Variants in FLRT2 observed in about 807,000 individuals in gnomAD.
FLRT2 encodes fibronectin leucine rich transmembrane protein 2.
In FLRT2, 15 loss-of-function variants were observed where a neutral mutation model predicts 40.0. The ratio of observed to expected loss-of-function variants is 0.38; its 90% CI spans 0.25 to 0.58. The LOEUF is 0.58. FLRT2 is among the 20% of genes least tolerant of loss of function. The pLI, the probability that FLRT2 is intolerant of heterozygous loss-of-function variation, is 0.71. For missense variants in FLRT2, 726 were observed against 840.0 expected (o/e 0.86, Z 1.68); for synonymous variants, 380 against 336.8 (o/e 1.13, Z -1.41).
chr14:85,611,177 T>G (rs1815222), intron 1 of FLRT2, among the ~76,000 whole-genome samples: 1 of 152,032 alleles, frequency 6.6e-6, no homozygotes, highest in Non-Finnish European at 1.5e-5. Flanking sequence ...ATTACGGGCC[T>G]TCTTGCTTTC....
rs148342351 is a variant in FLRT2 at position 85,584,033 on chromosome 14, C to T, written c.-376-37106C>T. Among the ~76,000 whole-genome samples, 623 of 151,506 alleles carry T rather than the reference C, an allele frequency of 4.1e-3. 4 individuals are homozygous for T. The highest frequency in any genetic ancestry group is 0.014 in the Middle Eastern group (4 of 288). On this transcript the variant is annotated intron_variant, in intron 1 of 1. Coordinates refer to ENST00000330753, the MANE Select transcript of FLRT2 (RefSeq NM_013231.6). ...ATCTGCCTCTGTGGTTGCAGTAGAC[C>T]GTCTTTATTCTTGCAATAGGATTTA...
At chr14:85,619,392 G>A (rs1893283754) in intron 1 of FLRT2, among the ~76,000 whole-genome samples, 1 of 152,012 alleles carries the variant, frequency 6.6e-6, no homozygotes, top group Non-Finnish European at 1.5e-5. Context: ...ATCAAGCCCG[G>A]CCATGCTTGA....
At chr14:85,551,122 T>C (rs776965287) in intron 1 of FLRT2, among the ~76,000 whole-genome samples, 11 of 152,244 alleles carry the variant, frequency 7.2e-5, no homozygotes, top group Non-Finnish European at 1.3e-4. Flanking sequence ...GTGAGAAATC[T>C]TTAATTTCAT....
rs779562646 is a variant in FLRT2, at chr14:85,646,726, C to G, written c.*23229C>G. On this transcript the variant is annotated 3_prime_UTR_variant, in exon 2 of 2. Transcript: ENST00000330753. Reference sequence around the variant, plus strand: ...CCTTCTCCCAGGTTCAAGGAATTCTCCTGCCTTAGCCTCTCGAGTAGATGA... The same window carrying G: ...CCTTCTCCCAGGTTCAAGGAATTCTGCTGCCTTAGCCTCTCGAGTAGATGA... 3.9e-5 allele frequency: 6 copies of G among 152,190 alleles called. No homozygotes were observed. The highest frequency in any genetic ancestry group is 8.8e-5 in the Non-Finnish European group (6 of 68,074). The allele number at this position is 152,190 out of a possible 1,614,324, so 9.4% of individuals were successfully genotyped here. A position where few individuals can be genotyped will look rare whatever the true frequency, so the allele number is the denominator to read the frequency against.
At chr14:85,570,556 A>AT (rs1346855403) in intron 1 of FLRT2, among the ~76,000 whole-genome samples, 77 of 132,996 alleles carry the variant, frequency 5.8e-4, no homozygotes, top group African/African-American at 1.7e-3. Flanking sequence ...CCTTATTTTT[A>AT]TTTATTTTAT....
chr14:85,609,589 C>G (rs549074890), intron 1 of FLRT2, among the ~76,000 whole-genome samples: 1 of 152,154 alleles, frequency 6.6e-6, no homozygotes, highest in Admixed American at 6.5e-5. Flanking sequence ...ACCTGTGAGT[C>G]CCCCCAAAAG....
At position 85,623,233 on chromosome 14, in the gene FLRT2, C is replaced by T. The variant is rs1347051431; in HGVS notation, c.1719C>T (p.Thr573=). 1 of 1,521,286 alleles carries T rather than the reference C, an allele frequency of 6.6e-7. No individual in the cohort carries two copies. Among genetic ancestry groups the T allele is most frequent in the African/African-American group, 1.4e-5 (1 of 71,964 alleles). The allele number at this position is 1,521,286 out of a possible 1,614,324, so 94.2% of individuals were successfully genotyped here. A position where few individuals can be genotyped will look rare whatever the true frequency, so the allele number is the denominator to read the frequency against. Residue 573 remains threonine (T), a synonymous_variant, in exon 2 of 2, where the codon ACC becomes ACT. Coordinates refer to ENST00000330753, the MANE Select transcript of FLRT2 (RefSeq NM_013231.6). ...ATATGCACAAAAAGGGGCGCTACACCTCCCAGAAGTGGAAATACAACCGGG... is the reference window on the plus strand; with the variant it reads ...ATATGCACAAAAAGGGGCGCTACACTTCCCAGAAGTGGAAATACAACCGGG... ...CWHMHKKGRY[T]SQKWKYNRGR... is the part of the protein sequence containing the mutation.
intron 1 of FLRT2, among the ~76,000 whole-genome samples, chr14:85,611,907 TGC>T (rs1223733575): frequency 2.0e-5 from 3 of 148,496 alleles, no homozygotes; most frequent in South Asian, 2.1e-4. Context: ...AGAGCGCGCG[TGC>T]GCGAAAGCGT....
chr14:85,552,980 A>T (rs1382833094), intron 1 of FLRT2: 1 of 152,212 alleles, frequency 6.6e-6, no homozygotes, highest in Non-Finnish European at 1.5e-5. Context: ...GTGGTGCTCA[A>T]CATACAACTC....
intron 1 of FLRT2, among the ~76,000 whole-genome samples, chr14:85,589,264 G>A (rs1196802160): frequency 6.6e-6 from 1 of 152,082 alleles, no homozygotes; most frequent in Non-Finnish European, 1.5e-5. Flanking sequence ...CTGCATACTT[G>A]CCAGCATTTT....
intron 1 of FLRT2, among the ~76,000 whole-genome samples, chr14:85,546,077 T>C (rs1889264899): frequency 6.6e-6 from 1 of 152,212 alleles, no homozygotes; most frequent in East Asian, 1.9e-4. Flanking sequence ...TCCACATTGA[T>C]GAATGGAAAA....
intron 1 of FLRT2, among the ~76,000 whole-genome samples, chr14:85,620,896 T>A (rs1198966256): frequency 6.6e-6 from 1 of 152,222 alleles, no homozygotes; most frequent in Non-Finnish European, 1.5e-5. Context: ...GATGTTAAAT[T>A]CACAATATGA....
chr14:85,578,169 TA>T (rs1178395158), intron 1 of FLRT2, among the ~76,000 whole-genome samples: 2 of 136,908 alleles, frequency 1.5e-5, no homozygotes, highest in Non-Finnish European at 3.2e-5. Context: ...TCTTTATATA[TA>T]AAAATATCTT....
chr14:85,543,810 G>A (rs182136395), intron 1 of FLRT2, among the ~76,000 whole-genome samples: 1 of 152,254 alleles, frequency 6.6e-6, no homozygotes, highest in African/African-American at 2.4e-5. Context: ...GAGGCACGTG[G>A]ATGACACTTT....
chr14:85,611,889 AGAG>A (rs1892881551), intron 1 of FLRT2, among the ~76,000 whole-genome samples: 3 of 66,298 alleles, frequency 4.5e-5, no homozygotes, highest in Non-Finnish European at 1.4e-4. Flanking sequence ...GTGAGGGGAG[AGAG>A]AGAGAGAGCG....
chr14:85,540,200 T>G (rs1888905923), intron 1 of FLRT2, among the ~76,000 whole-genome samples: 1 of 152,196 alleles, frequency 6.6e-6, no homozygotes, highest in Admixed American at 6.5e-5. Context: ...TTTAAAATTT[T>G]GTTTTGCAAA....
At chr14:85,620,377 C>A (rs1386467303) in intron 1 of FLRT2, among the ~76,000 whole-genome samples, 1 of 151,964 alleles carries the variant, frequency 6.6e-6, no homozygotes, top group Non-Finnish European at 1.5e-5. Context: ...GGAAAGTAAG[C>A]AAATCGATCA....
rs940918513 is a variant in FLRT2, at chr14:85,628,017, G to C, written c.*4520G>C. On this transcript the variant is annotated 3_prime_UTR_variant, in exon 2 of 2. Coordinates refer to ENST00000330753, the MANE Select transcript of FLRT2 (RefSeq NM_013231.6). Reference sequence around the variant, plus strand: ...ATGACGCAGGAGGGCAGGAATAAAAGAGGTAATAGGACTTTCGTATTCTCC... The same window carrying C: ...ATGACGCAGGAGGGCAGGAATAAAACAGGTAATAGGACTTTCGTATTCTCC... 1 of 161,862 alleles carries C rather than the reference G, an allele frequency of 6.2e-6. No individual in the cohort carries two copies. The highest frequency in any genetic ancestry group is 2.4e-5 in the African/African-American group (1 of 41,444). The allele number at this position is 161,862 out of a possible 1,614,324, so 10.0% of individuals were successfully genotyped here.
rs56105610 is a variant in FLRT2 at position 85,530,328 on chromosome 14, A to G, written c.-583A>G. 6.6e-6 allele frequency: 1 copy of G among 152,526 alleles called. No homozygotes were observed. The highest frequency in any genetic ancestry group is 1.5e-5 in the Non-Finnish European group (1 of 68,074). The allele number at this position is 152,526 out of a possible 1,614,324, so 9.4% of individuals were successfully genotyped here. A position where few individuals can be genotyped will look rare whatever the true frequency, so the allele number is the denominator to read the frequency against. ...TGGTGCCCAGCAGCGGCGAGGCGGC[A>G]TCTCCGCTCCCGCCGCCGTGTCCAC... On this transcript the variant is annotated 5_prime_UTR_variant, in exon 1 of 2. Transcript: ENST00000330753.
Sources: gnomAD v4.1 joint callset for allele counts (sites outside exome capture counted in the v4.1 genomes callset) on GRCh38, gnomAD v4.1.1 for gene constraint, MANE v1.5 for transcripts, NCBI Gene and HGNC (gene_info 2026-07-23, HGNC 2026-07-21) for gene names.